The following PIEZO2 variants were observed in gnomAD, a reference collection of about 807,000 sequenced individuals.
PIEZO2 encodes piezo type mechanosensitive ion channel component 2.
Under a neutral mutation model 337.3 loss-of-function variants are expected in PIEZO2, and 172 were observed. The observed-to-expected ratio is 0.51, with a 90% CI of 0.45 to 0.58. The LOEUF is 0.58. Ranked by LOEUF, PIEZO2 falls within the 20% of genes least tolerant of loss-of-function variation. PIEZO2 has a pLI of 0.00. For synonymous variants in PIEZO2, 1,251 were observed against 1,228.5 expected, an observed-to-expected ratio of 1.02 and a Z score of -0.38; for missense variants, 3,028 against 3,391.3, an observed-to-expected ratio of 0.89 and a Z score of 2.66.
At chr18:10,810,833 C>T (rs77876488) in intron 7 of PIEZO2, among the ~76,000 whole-genome samples, 6,557 of 152,190 alleles carry the variant, frequency 0.043, 179 homozygotes, top group Non-Finnish European at 0.05. Context: ...CTCTCTGATA[C>T]CTCTTAGGAT....
At chr18:10,916,596 G>A (rs879842250) in intron 3 of PIEZO2, among the ~76,000 whole-genome samples, 10 of 152,150 alleles carry the variant, frequency 6.6e-5, no homozygotes, top group East Asian at 1.9e-4. Context: ...CCGTGAGGCC[G>A]CGCCCATCTA....
chr18:10,715,305 A>G (rs2035970272), intron 38 of PIEZO2, among the ~76,000 whole-genome samples: 1 of 152,148 alleles, frequency 6.6e-6, no homozygotes. Flanking sequence ...GAGAAAACAA[A>G]CACCACTTTC....
Position 10,767,433 on chromosome 18 carries a change from G to A in PIEZO2, c.2946+2715C>T, listed in dbSNP as rs1247455418. Among the ~76,000 whole-genome samples, 1 of 152,068 alleles carries A rather than the reference G, an allele frequency of 6.6e-6. No homozygotes were observed. The highest frequency in any genetic ancestry group is 1.5e-5 in the Non-Finnish European group (1 of 67,994). ...GGAACCCAGAGCTGCCACAGCTCCT[G>A]AAGAGCTTTCTTTGTGGAGAGGGGC... On this transcript the variant is annotated intron_variant, in intron 21 of 55. Transcript: ENST00000674853. The surrounding 1 kb of genome is among the most constrained non-coding windows in gnomAD (Gnocchi z 4.2).
chr18:10,786,477 T>C (rs2039228874), intron 16 of PIEZO2, among the ~76,000 whole-genome samples: 1 of 152,222 alleles, frequency 6.6e-6, no homozygotes, highest in African/African-American at 2.4e-5. Flanking sequence ...GCCACATCAA[T>C]ATATTCAGCT....
chr18:10,799,020 C>T (rs191542098), intron 11 of PIEZO2, among the ~76,000 whole-genome samples: 37 of 152,240 alleles, frequency 2.4e-4, no homozygotes, highest in African/African-American at 7.7e-4. Flanking sequence ...AACCTTACTG[C>T]GGAATGTCAG....
chr18:10,736,539 A>C, intron 34 of PIEZO2, 65 bp downstream of exon 34: 1 of 1,530,388 alleles, frequency 6.5e-7, no homozygotes, highest in East Asian at 2.4e-5. Flanking sequence ...CTAGGCCTGC[A>C]ATGAAGGTCC....
chr18:10,989,817 A>T (rs1176543461), intron 2 of PIEZO2, among the ~76,000 whole-genome samples: 3 of 152,192 alleles, frequency 2.0e-5, no homozygotes, highest in African/African-American at 7.2e-5. Flanking sequence ...ATTAGAAAAA[A>T]ATCATAATAG....
In PIEZO2 at chr18:10,870,110, A is replaced by G. The variant is rs2042104104; in HGVS notation, c.492+1143T>C. ...AGGCTGGTCTCGAACTCATGACCTCAGGTGATCTGCCCACCTGGGCCTCCC... is the reference window on the plus strand; with the variant it reads ...AGGCTGGTCTCGAACTCATGACCTCGGGTGATCTGCCCACCTGGGCCTCCC... On this transcript the variant is annotated intron_variant, in intron 5 of 55. Coordinates refer to ENST00000674853, the MANE Select transcript of PIEZO2 (RefSeq NM_001378183.1). This position sits in a 1 kb window ranked among gnomAD's most constrained non-coding sequence, Gnocchi z 5.3. Among the ~76,000 whole-genome samples, 1 of 152,170 alleles carries G rather than the reference A, an allele frequency of 6.6e-6. No homozygotes were observed. Among genetic ancestry groups the G allele is most frequent in the Non-Finnish European group, 1.5e-5 (1 of 68,024 alleles).
chr18:10,829,074 C>T (rs940551474), intron 7 of PIEZO2, among the ~76,000 whole-genome samples: 2 of 152,112 alleles, frequency 1.3e-5, no homozygotes, highest in Middle Eastern at 3.2e-3. Flanking sequence ...TGACTTATTG[C>T]ATTTGATTGA....
chr18:10,836,201 C>G (rs2041008591), intron 7 of PIEZO2, among the ~76,000 whole-genome samples: 1 of 152,126 alleles, frequency 6.6e-6, no homozygotes, highest in African/African-American at 2.4e-5. Flanking sequence ...GGAGTTAGAT[C>G]AACTCTTCCC....
At chr18:10,986,636 G>A (rs1346323216) in intron 2 of PIEZO2, among the ~76,000 whole-genome samples, 1 of 151,906 alleles carries the variant, frequency 6.6e-6, no homozygotes, top group Non-Finnish European at 1.5e-5. Flanking sequence ...AAGGTGAAAA[G>A]TTGAAAATTT....
intron 3 of PIEZO2, among the ~76,000 whole-genome samples, chr18:10,972,273 A>G (rs1322418316): frequency 6.6e-6 from 1 of 151,950 alleles, no homozygotes; most frequent in Non-Finnish European, 1.5e-5. Flanking sequence ...CTCTTCCATC[A>G]TGTTCCTCTT....
Position 11,097,772 on chromosome 18 carries a change from G to T in PIEZO2, c.65-31550C>A, listed in dbSNP as rs2146077738. Among the ~76,000 whole-genome samples, 1 of 152,316 alleles carries T rather than the reference G, an allele frequency of 6.6e-6. No homozygotes were observed. Among genetic ancestry groups the T allele is most frequent in the South Asian group, 2.1e-4 (1 of 4,826 alleles). ...TGTATGGAAATACTGTTGTATGGTA[G>T]ATATATATTCCTAAATCAGAAAAAG... On this transcript the variant is annotated intron_variant, in intron 1 of 55. Transcript: ENST00000674853. This position sits in a 1 kb window ranked among gnomAD's most constrained non-coding sequence, Gnocchi z 5.0.
chr18:10,900,267 G>C (rs1163502326), intron 4 of PIEZO2, among the ~76,000 whole-genome samples: 1 of 151,888 alleles, frequency 6.6e-6, no homozygotes, highest in Admixed American at 6.6e-5. Context: ...CTTTTAATCT[G>C]TGTTTCAAGT....
At chr18:10,845,583 G>C (rs1281403812) in intron 7 of PIEZO2, among the ~76,000 whole-genome samples, 1 of 152,122 alleles carries the variant, frequency 6.6e-6, no homozygotes, top group Non-Finnish European at 1.5e-5. Flanking sequence ...TACCAGGATG[G>C]GTAGCCCTCG....
rs1177389660 is a variant in PIEZO2, at chr18:10,720,409, GTATGTGTA to G, written c.5030-2158_5030-2151del. 7.4e-3 allele frequency among the ~76,000 whole-genome samples: 132 copies of G among 17,922 alleles called. 4 individuals are homozygous for G. The highest frequency in any genetic ancestry group is 7.7e-3 in the Non-Finnish European group (88 of 11,478). 11.8% of individuals were successfully genotyped at this position (17,922 alleles called of 152,430 possible). On this transcript the variant is annotated intron_variant, in intron 36 of 55. Coordinates refer to ENST00000674853, the MANE Select transcript of PIEZO2 (RefSeq NM_001378183.1). ...TGTGTGTGTGTGTGTGTGTGTATGT[GTATGTGTA>G]TGTATATATATATATATATATATAT...
At chr18:10,785,057 G>T in intron 16 of PIEZO2, 100 bp from the exon 17 acceptor site, 1 of 1,303,528 alleles carries the variant, frequency 7.7e-7, no homozygotes, top group Middle Eastern at 2.1e-4. Flanking sequence ...CTCCTGTCAG[G>T]TCTATCGTTT....
At position 11,005,634 on chromosome 18, in the gene PIEZO2, C is replaced by A. The variant is rs112820174; in HGVS notation, c.161-25974G>T. Among the ~76,000 whole-genome samples, 344 of 152,344 alleles carry A rather than the reference C, an allele frequency of 2.3e-3. 3 individuals are homozygous for A. The highest frequency in any genetic ancestry group is 7.8e-3 in the African/African-American group (325 of 41,582). ...TCTTCCTCAAGCTCCTTCACTCATG[C>A]ATTCCCAGTGGCGTGAGAGGCCCAG... On this transcript the variant is annotated intron_variant, in intron 2 of 55. Transcript: ENST00000674853.
chr18:10,804,187 A>G (rs2039920151), intron 8 of PIEZO2, among the ~76,000 whole-genome samples, 193 bp from the exon 9 acceptor site: 1 of 152,278 alleles, frequency 6.6e-6, no homozygotes, highest in South Asian at 2.1e-4. Context: ...GTACACCAGT[A>G]TTAAATGTCC....
Sources: gnomAD v4.1 joint callset for allele counts (sites outside exome capture counted in the v4.1 genomes callset) on GRCh38, gnomAD v4.1.1 for gene constraint, Gnocchi (gnomAD v3.1) non-coding constraint, MANE v1.5 for transcripts, NCBI Gene and HGNC (gene_info 2026-07-23, HGNC 2026-07-21) for gene names.